RAPGEF4: variants seen among roughly 807,000 people sequenced by gnomAD.
RAPGEF4 encodes Rap guanine nucleotide exchange factor 4.
A neutral mutation model predicts 147.9 loss-of-function variants in RAPGEF4; 66 were observed. The observed-to-expected ratio is 0.45, with a 90% CI of 0.37 to 0.55. The LOEUF (loss-of-function observed/expected upper bound fraction) is 0.55, where lower values mean the gene tolerates loss of function less well. Among genes scored for constraint, RAPGEF4 ranks in the 20% least tolerant of loss-of-function variants. The pLI is 0.00. For missense variants in RAPGEF4, 1,071 were observed against 1,257.3 expected (o/e 0.85, Z 2.24); for synonymous variants, 419 against 442.7 (o/e 0.95, Z 0.67).
chr2:172,795,460 A>T (rs1430859896), intron 2 of RAPGEF4, among the ~76,000 whole-genome samples: 1 of 152,182 alleles, frequency 6.6e-6, no homozygotes, highest in East Asian at 1.9e-4. Flanking sequence ...AATTCACATA[A>T]TTGTCTTCTC....
intron 6 of RAPGEF4, among the ~76,000 whole-genome samples, chr2:172,943,584 C>G (rs766443952): frequency 1.6e-4 from 25 of 152,186 alleles, no homozygotes; most frequent in Non-Finnish European, 2.9e-4. Context: ...AATCCACAAA[C>G]CTTCCTTTGT....
chr2:173,039,564 G>A (rs528631949), intron 29 of RAPGEF4, among the ~76,000 whole-genome samples: 2 of 152,092 alleles, frequency 1.3e-5, no homozygotes, highest in Admixed American at 1.3e-4. Flanking sequence ...CTTGGTTCAA[G>A]ATGGCAACCT....
intron 16 of RAPGEF4, among the ~76,000 whole-genome samples, chr2:172,999,870 G>C (rs1438928409): frequency 6.6e-6 from 1 of 152,172 alleles, no homozygotes; most frequent in Non-Finnish European, 1.5e-5. Context: ...TGTGAGGAGA[G>C]AGCCGGAAAG....
intron 4 of RAPGEF4, among the ~76,000 whole-genome samples, chr2:172,913,918 C>T (rs894597861): frequency 6.6e-6 from 1 of 152,220 alleles, no homozygotes; most frequent in Non-Finnish European, 1.5e-5. Context: ...CTGGTTACTA[C>T]TTTCTTGTAG....
At chr2:172,922,648 T>C (rs1475401091) in intron 6 of RAPGEF4, among the ~76,000 whole-genome samples, 3 of 152,250 alleles carry the variant, frequency 2.0e-5, no homozygotes, top group African/African-American at 7.2e-5. Context: ...TGTTTTTCCT[T>C]AGCAGGAATA....
intron 4 of RAPGEF4, among the ~76,000 whole-genome samples, chr2:172,887,837 C>T (rs942555228): frequency 2.0e-5 from 3 of 152,166 alleles, no homozygotes; most frequent in African/African-American, 7.2e-5. Context: ...ACTTCTGCTA[C>T]AAGCTAGTGA....
chr2:173,048,789 A>G (rs1685823623), intron 30 of RAPGEF4, 135 bp downstream of exon 30: 1 of 1,476,350 alleles, frequency 6.8e-7, no homozygotes, highest in Non-Finnish European at 9.0e-7. Flanking sequence ...GAATTCCATG[A>G]GATAGGGGCC....
chr2:172,967,151 G>T, intron 9 of RAPGEF4, 110 bp from the exon 10 acceptor site: 1 of 1,098,438 alleles, frequency 9.1e-7, no homozygotes, highest in Non-Finnish European at 1.3e-6. Flanking sequence ...GGAGGCTCCC[G>T]GCTTTGCTGC....
intron 1 of RAPGEF4, among the ~76,000 whole-genome samples, chr2:172,780,081 A>G (rs573399353): frequency 6.6e-6 from 1 of 152,240 alleles, no homozygotes; most frequent in South Asian, 2.1e-4. Flanking sequence ...TTTTTACTGA[A>G]TGGTACTCTA....
intron 6 of RAPGEF4, among the ~76,000 whole-genome samples, chr2:172,945,775 T>A (rs1382609927): frequency 2.6e-5 from 4 of 152,210 alleles, no homozygotes; most frequent in Non-Finnish European, 5.9e-5. Flanking sequence ...TCTTAATTGA[T>A]CTATTTCTTC....
At chr2:172,863,344 G>A (rs2149784958) in intron 4 of RAPGEF4, among the ~76,000 whole-genome samples, 1 of 152,288 alleles carries the variant, frequency 6.6e-6, no homozygotes, top group Non-Finnish European at 1.5e-5. Context: ...AGCTATTGCT[G>A]ACAATAGAAT....
chr2:172,777,132 G>A (rs1346619411), intron 1 of RAPGEF4, among the ~76,000 whole-genome samples: 1 of 152,102 alleles, frequency 6.6e-6, no homozygotes, highest in Non-Finnish European at 1.5e-5. Context: ...TTATTTTTAA[G>A]CTTTATTAGA....
chr2:172,897,407 T>TAG (rs1698592713), intron 4 of RAPGEF4, among the ~76,000 whole-genome samples: 2 of 151,706 alleles, frequency 1.3e-5, no homozygotes, highest in Admixed American at 6.6e-5. Flanking sequence ...AATATATATA[T>TAG]ATAGAGAGAG....
chr2:172,796,489 G>A (rs920298136), intron 2 of RAPGEF4, among the ~76,000 whole-genome samples: 7 of 152,062 alleles, frequency 4.6e-5, no homozygotes, highest in Non-Finnish European at 2.9e-5. Flanking sequence ...GGAGGCTGAG[G>A]CAGGAGAATT....
intron 4 of RAPGEF4, among the ~76,000 whole-genome samples, chr2:172,857,137 C>T (rs944497767): frequency 6.6e-6 from 1 of 152,098 alleles, no homozygotes; most frequent in African/African-American, 2.4e-5. Flanking sequence ...TATTATCCCA[C>T]TTTACAGGTG....
At chr2:172,846,882 G>A (rs1041750768) in intron 4 of RAPGEF4, among the ~76,000 whole-genome samples, 2 of 152,106 alleles carry the variant, frequency 1.3e-5, no homozygotes, top group Non-Finnish European at 2.9e-5. Flanking sequence ...CTCCTCCCAG[G>A]CACTGCCATT....
intron 23 of RAPGEF4, among the ~76,000 whole-genome samples, chr2:173,021,261 T>G (rs778032239): frequency 5.3e-5 from 8 of 152,182 alleles, no homozygotes; most frequent in Non-Finnish European, 8.8e-5. Flanking sequence ...AATAACTGAG[T>G]AGCCTGCTCT....
intron 4 of RAPGEF4, among the ~76,000 whole-genome samples, chr2:172,883,554 A>G (rs1238810137): frequency 2.0e-5 from 3 of 152,162 alleles, no homozygotes; most frequent in Non-Finnish European, 4.4e-5. Flanking sequence ...TTTGATGAAG[A>G]CTCTTGAAGA....
intron 6 of RAPGEF4, among the ~76,000 whole-genome samples, chr2:172,952,909 C>T (rs2105399522): frequency 6.6e-6 from 1 of 152,276 alleles, no homozygotes; most frequent in Admixed American, 6.5e-5. Context: ...TAAAAACATG[C>T]CATCTTGCAG....
Sources: allele counts gnomAD v4.1 joint callset (sites outside exome capture counted in the v4.1 genomes callset), GRCh38; gene constraint gnomAD v4.1.1; transcripts MANE v1.5; gene names NCBI Gene and HGNC (gene_info 2026-07-23, HGNC 2026-07-21).